TMEM132D: variants seen among roughly 807,000 people sequenced by gnomAD.
TMEM132D encodes mature OL transmembrane protein.
A neutral mutation model predicts 62.3 loss-of-function variants in TMEM132D; 21 were observed. That is an observed-to-expected ratio of 0.34 (90% CI 0.24 to 0.49). TMEM132D has a LOEUF of 0.49. Ranked by LOEUF, TMEM132D falls within the 20% of genes least tolerant of loss-of-function variation. TMEM132D has a pLI of 0.99. For missense variants in TMEM132D, 1,346 were observed against 1,402.8 expected (o/e 0.96, Z 0.65); for synonymous variants, 621 against 575.6 (o/e 1.08, Z -1.13).
At chr12:129,130,448 C>T (rs1876342580) in intron 5 of TMEM132D, among the ~76,000 whole-genome samples, 1 of 152,148 alleles carries the variant, frequency 6.6e-6, no homozygotes, top group Non-Finnish European at 1.5e-5. Flanking sequence ...GTGGAGGAAC[C>T]CAAGCGCACT....
At chr12:129,558,217 G>A (rs1046870766) in intron 2 of TMEM132D, among the ~76,000 whole-genome samples, 1 of 152,152 alleles carries the variant, frequency 6.6e-6, no homozygotes, top group African/African-American at 2.4e-5. Context: ...GGAATTTCCT[G>A]ACCAAATGAA....
intron 3 of TMEM132D, among the ~76,000 whole-genome samples, chr12:129,441,350 T>C (rs1393629610): frequency 1.3e-5 from 2 of 152,116 alleles, no homozygotes; most frequent in Admixed American, 6.5e-5. Context: ...GCCCGCACGG[T>C]ATGAGAAGAA....
intron 4 of TMEM132D, among the ~76,000 whole-genome samples, chr12:129,230,094 T>C (rs181503942): frequency 8.5e-5 from 13 of 152,328 alleles, no homozygotes; most frequent in Admixed American, 3.3e-4. Context: ...ATCTGGGGTT[T>C]TAAATTGGTC....
intron 4 of TMEM132D, among the ~76,000 whole-genome samples, chr12:129,300,965 T>C (rs919836641): frequency 2.0e-5 from 3 of 152,136 alleles, no homozygotes; most frequent in Non-Finnish European, 4.4e-5. Context: ...CCTGTCTCCC[T>C]CTTATACAAG....
rs1875978938 is a variant in TMEM132D, at chr12:129,525,019, G to A, written c.1115+6040C>T. Among the ~76,000 whole-genome samples the A allele has an allele frequency of 3.0e-5, 4 of 133,570 alleles. No homozygotes were observed. The South Asian group carries it at 7.5e-4, about 25-fold the overall frequency. 87.6% of individuals were successfully genotyped at this position (133,570 alleles called of 152,430 possible). Reference sequence around the variant, plus strand: ...TGGCTCACTGCAAGCTCCGCCTCCCGGGTTCAAGCGACTCCCCTGCTTCAG... The same window carrying A: ...TGGCTCACTGCAAGCTCCGCCTCCCAGGTTCAAGCGACTCCCCTGCTTCAG... On this transcript the variant is annotated intron_variant, in intron 3 of 8. Transcript: ENST00000422113.
At chr12:129,087,231 G>A (rs898493079) in intron 5 of TMEM132D, among the ~76,000 whole-genome samples, 21 of 152,016 alleles carry the variant, frequency 1.4e-4, no homozygotes, top group Admixed American at 3.9e-4. Context: ...AGGATCTGCC[G>A]TTTCGCGTCT....
In TMEM132D at chr12:129,600,051, G is replaced by A. The variant is rs553974672; in HGVS notation, c.969-68846C>T. Among the ~76,000 whole-genome samples, 22 of 152,304 alleles carry A rather than the reference G, an allele frequency of 1.4e-4. No homozygotes were observed. In the South Asian group the frequency reaches 3.9e-3, roughly 27 times the overall value. ...GACAAAAGATTTCTCTGTAGCATGC[G>A]ATGCCATTTGATAGCATTTTACCCA... is the stretch of plus-strand genomic sequence containing the variant. On this transcript the variant is annotated intron_variant, in intron 2 of 8. Transcript: ENST00000422113.
intron 3 of TMEM132D, among the ~76,000 whole-genome samples, chr12:129,515,569 T>C (rs1313535795): frequency 6.6e-6 from 1 of 152,116 alleles, no homozygotes; most frequent in Admixed American, 6.6e-5. Context: ...GCAGCAAGAA[T>C]GCCACTATGA....
chr12:129,251,408 CG>C (rs1880263738), intron 4 of TMEM132D, among the ~76,000 whole-genome samples: 1 of 147,592 alleles, frequency 6.8e-6, no homozygotes, highest in South Asian at 2.2e-4. Context: ...GAAGCTGTTA[CG>C]GAGACCCTTG....
At position 129,773,833 on chromosome 12, in the gene TMEM132D, G is replaced by C. The variant is rs1870835561; in HGVS notation, c.80-73135C>G. On this transcript the variant is annotated intron_variant, in intron 1 of 8. Transcript: ENST00000422113. ...GGGCCTCACCAAGTGGTATTTATTT[G>C]AATCCCAGCTCTGCCACTTACTTGC... 2.0e-5 allele frequency among the ~76,000 whole-genome samples: 3 copies of C among 152,284 alleles called. No homozygotes were observed. The South Asian group carries it at 6.2e-4, about 32-fold the overall frequency.
chr12:129,161,072 A>G (rs760036852), intron 5 of TMEM132D, among the ~76,000 whole-genome samples: 13 of 152,212 alleles, frequency 8.5e-5, no homozygotes, highest in South Asian at 6.2e-4. Flanking sequence ...CAATGTGATA[A>G]AAAACTCATA....
chr12:129,294,813 T>G (rs1180272711), intron 4 of TMEM132D, among the ~76,000 whole-genome samples: 1 of 152,238 alleles, frequency 6.6e-6, no homozygotes, highest in African/African-American at 2.4e-5. Flanking sequence ...CAAATGATAA[T>G]GTACTTTCCA....
chr12:129,074,134 C>G lies in TMEM132D; in HGVS notation c.3041G>C (p.Gly1014Ala), dbSNP rs2135601936. 6.2e-7 allele frequency: 1 copy of G among 1,613,992 alleles called. No individual in the cohort carries two copies. Among genetic ancestry groups the G allele is most frequent in the Non-Finnish European group, 8.5e-7 (1 of 1,179,966 alleles). Residue 1014 changes from glycine to alanine, a missense_variant, in exon 9 of 9, where the codon GGG becomes GCG. By Grantham distance (60) the Gly-to-Ala change is moderately conservative. Transcript: ENST00000422113. The stretch of plus-strand genomic sequence containing the variant: ...GGGTCCCAAAGGTTTGAACAGCTGC[C>G]CATTGATGCTTTTTTGGGAGTTTGT... Reference protein sequence around the residue: ...LSTNSQKSINGQLFKPLGPII... With the variant: ...LSTNSQKSINAQLFKPLGPII...
At chr12:129,669,010 G>A (rs560031463) in intron 2 of TMEM132D, among the ~76,000 whole-genome samples, 72 of 152,274 alleles carry the variant, frequency 4.7e-4, no homozygotes, top group African/African-American at 1.7e-3. Context: ...GTCCTCAAGA[G>A]GAGAAGAATT....
chr12:129,632,282 C>T (rs1327005010), intron 2 of TMEM132D, among the ~76,000 whole-genome samples: 1 of 152,074 alleles, frequency 6.6e-6, no homozygotes, highest in Non-Finnish European at 1.5e-5. Flanking sequence ...GGAAGGAGAA[C>T]ACAAAACAAG....
chr12:129,408,104 T>C (rs4625543), intron 3 of TMEM132D, among the ~76,000 whole-genome samples: 19,957 of 152,038 alleles, frequency 0.13, 1,810 homozygotes, highest in East Asian at 0.39. Flanking sequence ...TCTGGTTTAA[T>C]ATTAGGACCC....
chr12:129,839,470 C>T lies in TMEM132D; in HGVS notation c.79+63791G>A, dbSNP rs373107243. On this transcript the variant is annotated intron_variant, in intron 1 of 8. Transcript: ENST00000422113. Reference sequence around the variant, plus strand: ...TAGAGACAGGGTTTCACCATGTTGGCCAGGCTAGTCTTGAACTCCTGACCT... The same window carrying T: ...TAGAGACAGGGTTTCACCATGTTGGTCAGGCTAGTCTTGAACTCCTGACCT... Among the ~76,000 whole-genome samples, 144 of 151,690 alleles carry T rather than the reference C, an allele frequency of 9.5e-4. 1 individual carries two copies. The highest frequency in any genetic ancestry group is 2.9e-3 in the African/African-American group (121 of 41,354).
At chr12:129,900,681 C>A (rs1366035621) in intron 1 of TMEM132D, among the ~76,000 whole-genome samples, 1 of 152,218 alleles carries the variant, frequency 6.6e-6, no homozygotes, top group African/African-American at 2.4e-5. Flanking sequence ...TCAGCCCACC[C>A]TCCATACACC....
At chr12:129,414,644 C>G (rs1872063061) in intron 3 of TMEM132D, among the ~76,000 whole-genome samples, 1 of 152,188 alleles carries the variant, frequency 6.6e-6, no homozygotes, top group Non-Finnish European at 1.5e-5. Context: ...TACCATTTTT[C>G]TTTTGGTCTG....
Sources: allele counts gnomAD v4.1 joint callset (sites outside exome capture counted in the v4.1 genomes callset), GRCh38; gene constraint gnomAD v4.1.1; transcripts MANE v1.5; gene names NCBI Gene and HGNC (gene_info 2026-07-23, HGNC 2026-07-21).